HELZ: variants seen among roughly 807,000 people sequenced by gnomAD.
HELZ encodes helicase with zinc finger.
HELZ carries 23 observed loss-of-function variants against 218.2 expected under a neutral mutation model. The ratio of observed to expected loss-of-function variants is 0.11; its 90% CI spans 0.08 to 0.15. The LOEUF (loss-of-function observed/expected upper bound fraction) is 0.15. Among genes scored for constraint, HELZ ranks in the 10% least tolerant of loss-of-function variants. HELZ has a pLI of 1.00. For missense variants in HELZ, 1,813 were observed against 2,353.7 expected, an observed-to-expected ratio of 0.77 and a Z score of 4.75; for synonymous variants, 814 against 829.4, an observed-to-expected ratio of 0.98 and a Z score of 0.32.
intron 13 of HELZ, among the ~76,000 whole-genome samples, chr17:67,169,819 G>A (rs1313503385): frequency 6.6e-6 from 1 of 152,168 alleles, no homozygotes; most frequent in African/African-American, 2.4e-5. Flanking sequence ...CTCTCCAGTT[G>A]TGCCTGTGAA....
At chr17:67,151,587 C>T (rs1174555734) in intron 17 of HELZ, among the ~76,000 whole-genome samples, 8 of 152,032 alleles carry the variant, frequency 5.3e-5, no homozygotes, top group South Asian at 2.1e-4. Flanking sequence ...TTTTCTAGAA[C>T]GTTCTTACAA....
chr17:67,122,739 G>C (rs1212061824), intron 26 of HELZ, among the ~76,000 whole-genome samples: 1 of 151,898 alleles, frequency 6.6e-6, no homozygotes, highest in Non-Finnish European at 1.5e-5. Flanking sequence ...TAGTACAAAG[G>C]TTTCTAAATT....
At chr17:67,153,694 G>A (rs1476484221) in intron 17 of HELZ, among the ~76,000 whole-genome samples, 1 of 152,122 alleles carries the variant, frequency 6.6e-6, no homozygotes, top group Admixed American at 6.5e-5. Flanking sequence ...TTCACCCACA[G>A]CAAAGCTGAA....
At chr17:67,222,026 G>A (rs944844283) in intron 3 of HELZ, among the ~76,000 whole-genome samples, 4 of 151,392 alleles carry the variant, frequency 2.6e-5, no homozygotes, top group Non-Finnish European at 5.9e-5. Flanking sequence ...TTTTTTTGTA[G>A]AGACAGGGTT....
At chr17:67,112,362 C>T (rs2037305029) in intron 28 of HELZ, among the ~76,000 whole-genome samples, 1 of 152,180 alleles carries the variant, frequency 6.6e-6, no homozygotes, top group South Asian at 2.1e-4. Context: ...CTGAGAGCAC[C>T]TAAGACTCGT....
At chr17:67,109,047 T>C in intron 29 of HELZ, 69 bp downstream of exon 29, 2 of 1,261,520 alleles carry the variant, frequency 1.6e-6, no homozygotes, top group Non-Finnish European at 2.2e-6. Flanking sequence ...TAACCCAAAA[T>C]GATATTATAC....
Position 67,167,725 on chromosome 17 carries a change from T to G in HELZ, c.1502A>C (p.Tyr501Ser). The G allele has an allele frequency of 6.2e-7, 1 of 1,614,190 alleles. No individual in the cohort carries two copies. Among genetic ancestry groups the G allele is most frequent in the Non-Finnish European group, 8.5e-7 (1 of 1,180,024 alleles). ...MLTGVSGGAK[Y>S]AQNGQLFGRF... Reference sequence around the variant, plus strand: ...ACCAAAAAGTTGTCCATTCTGAGCATACTTTGCACCTCCAGAAACACCAGT... The same window carrying G: ...ACCAAAAAGTTGTCCATTCTGAGCAGACTTTGCACCTCCAGAAACACCAGT... The change falls in exon 14 of 33, where the codon TAT becomes TCT. Residue 501 changes from tyrosine to serine, a missense_variant. By Grantham distance (144) the Tyr-to-Ser change is moderately radical. Transcript: ENST00000358691.
chr17:67,157,236 A>G (rs1233609091), intron 17 of HELZ, among the ~76,000 whole-genome samples: 1 of 152,160 alleles, frequency 6.6e-6, no homozygotes, highest in Non-Finnish European at 1.5e-5. Context: ...CTTTATAGCA[A>G]TGCAAGAACG....
intron 32 of HELZ, among the ~76,000 whole-genome samples, chr17:67,083,902 G>C (rs1035846037): frequency 1.3e-5 from 2 of 152,172 alleles, no homozygotes; most frequent in Non-Finnish European, 2.9e-5. Context: ...GAAATTCAAA[G>C]TTTAAAAAGG....
chr17:67,169,669 T>A (rs980185737), intron 13 of HELZ, among the ~76,000 whole-genome samples: 1 of 151,992 alleles, frequency 6.6e-6, no homozygotes, highest in Non-Finnish European at 1.5e-5. Context: ...TCTTCTCACA[T>A]ACAGAATACA....
intron 12 of HELZ, chr17:67,179,689 G>A (rs143085499): frequency 5.9e-5 from 9 of 151,894 alleles, no homozygotes; most frequent in Admixed American, 2.6e-4. Flanking sequence ...TATGTAGTGC[G>A]TATTACTTTT....
chr17:67,220,605 C>G (rs189588191), intron 3 of HELZ, among the ~76,000 whole-genome samples: 207 of 152,256 alleles, frequency 1.4e-3, no homozygotes, highest in South Asian at 6.0e-3. Flanking sequence ...AACTCAGCAT[C>G]TTGAGTAGCT....
chr17:67,089,410 T>C (rs2036489829), intron 31 of HELZ, among the ~76,000 whole-genome samples: 1 of 151,970 alleles, frequency 6.6e-6, no homozygotes, highest in Non-Finnish European at 1.5e-5. Flanking sequence ...AGAAAATTTA[T>C]ATCATTTGTA....
At chr17:67,154,397 C>T (rs1283634937) in intron 17 of HELZ, among the ~76,000 whole-genome samples, 2 of 151,944 alleles carry the variant, frequency 1.3e-5, no homozygotes, top group Non-Finnish European at 2.9e-5. Flanking sequence ...CCACTGCACT[C>T]CAGCCTGGGT....
intron 32 of HELZ, among the ~76,000 whole-genome samples, chr17:67,082,810 T>C (rs1208929146): frequency 1.3e-5 from 2 of 151,904 alleles, no homozygotes; most frequent in Non-Finnish European, 1.5e-5. Flanking sequence ...TATTTAACCA[T>C]GTTCTCAGTT....
At chr17:67,156,369 T>C (rs1174285310) in intron 17 of HELZ, among the ~76,000 whole-genome samples, 1 of 152,304 alleles carries the variant, frequency 6.6e-6, no homozygotes, top group South Asian at 2.1e-4. Flanking sequence ...TAAATCCTCA[T>C]ATTCTCCCAG....
rs369869467 is a variant in HELZ at position 67,218,645 on chromosome 17, G to A, written c.160C>T (p.Arg54Cys). Reference protein sequence around the residue: ...FTGPCPLEIERIKIESLLYRI... With the variant: ...FTGPCPLEIECIKIESLLYRI... Reference sequence around the variant, plus strand: ...TAGAGAAGACTCTCGATTTTGATGCGTTCTATTTCCAATGGACAAGGCCCT... The same window carrying A: ...TAGAGAAGACTCTCGATTTTGATGCATTCTATTTCCAATGGACAAGGCCCT... The change falls in exon 4 of 33, where the codon CGC becomes TGC. Residue 54 changes from arginine (R) to cysteine (C), a missense_variant. By Grantham distance (180) the Arg-to-Cys change is radical. Transcript: ENST00000358691. The A allele has an allele frequency of 1.9e-5, 30 of 1,614,054 alleles. No homozygotes were observed. Among genetic ancestry groups the A allele is most frequent in the Middle Eastern group, 1.6e-4 (1 of 6,084 alleles).
chr17:67,122,622 C>T (rs573268052), intron 26 of HELZ, among the ~76,000 whole-genome samples: 10 of 151,958 alleles, frequency 6.6e-5, no homozygotes, highest in South Asian at 4.2e-4. Flanking sequence ...GCAGGAGAAT[C>T]GCTTGAACCC....
chr17:67,241,465 G>C (rs2041312512), intron 2 of HELZ, among the ~76,000 whole-genome samples: 1 of 152,122 alleles, frequency 6.6e-6, no homozygotes, highest in African/African-American at 2.4e-5. Flanking sequence ...TGTAAGATCT[G>C]GGCTACTTAC....
Sources: gnomAD v4.1 joint callset for allele counts (sites outside exome capture counted in the v4.1 genomes callset) on GRCh38, gnomAD v4.1.1 for gene constraint, MANE v1.5 for transcripts, NCBI Gene and HGNC (gene_info 2026-07-23, HGNC 2026-07-21) for gene names.